Variants in RPTOR observed in about 807,000 individuals in gnomAD.
RPTOR encodes regulatory-associated protein of mTOR.
In RPTOR, 21 loss-of-function variants were observed where a neutral mutation model predicts 169.9. The observed-to-expected ratio is 0.12, with a 90% confidence interval of 0.09 to 0.18. The LOEUF (loss-of-function observed/expected upper bound fraction) is 0.18. RPTOR is among the 10% of genes least tolerant of loss of function. RPTOR has a pLI of 1.00. For missense variants in RPTOR, 1,133 were observed against 1,855.9 expected, an observed-to-expected ratio of 0.61 and a Z score of 7.16; for synonymous variants, 732 against 753.2, an observed-to-expected ratio of 0.97 and a Z score of 0.46.
chr17:80,677,711 T>C (rs889957286), intron 3 of RPTOR, among the ~76,000 whole-genome samples: 3 of 152,244 alleles, frequency 2.0e-5, no homozygotes, highest in African/African-American at 4.8e-5. Context: ...GTTGATGTCA[T>C]TTTCTTTGGA....
intron 1 of RPTOR, among the ~76,000 whole-genome samples, chr17:80,598,546 C>T (rs938834446): frequency 6.6e-6 from 1 of 152,150 alleles, no homozygotes; most frequent in African/African-American, 2.4e-5. Context: ...TGAGAGAGTC[C>T]TCAGGAACGT....
rs187822203 is a variant in RPTOR, at chr17:80,821,039, C to T, written c.891-1162C>T. Reference sequence around the variant, plus strand: ...TTCTCAATTTCTCCTTTTTCTTGCCCTATCACTGAACCTATTTTGAGGAAA... The same window carrying T: ...TTCTCAATTTCTCCTTTTTCTTGCCTTATCACTGAACCTATTTTGAGGAAA... On this transcript the variant is annotated intron_variant, in intron 7 of 33. Transcript: ENST00000306801. Among the ~76,000 whole-genome samples the T allele has an allele frequency of 2.0e-5, 3 of 152,358 alleles. No homozygotes were observed. The East Asian group carries it at 5.8e-4, about 29-fold the overall frequency.
chr17:80,568,338 T>C (rs2064867989), intron 1 of RPTOR, among the ~76,000 whole-genome samples: 1 of 152,216 alleles, frequency 6.6e-6, no homozygotes. Context: ...TTTCTCAGCT[T>C]TTGTTTGTCT....
chr17:80,862,478 C>A (rs1677583911), intron 13 of RPTOR, among the ~76,000 whole-genome samples: 1 of 151,950 alleles, frequency 6.6e-6, no homozygotes, highest in African/African-American at 2.4e-5. Context: ...ACCCCTACCC[C>A]CCCATGATGT....
intron 13 of RPTOR, among the ~76,000 whole-genome samples, chr17:80,867,879 T>G (rs2068011259): frequency 6.6e-6 from 1 of 152,116 alleles, no homozygotes; most frequent in Non-Finnish European, 1.5e-5. Context: ...CCTAAATAAA[T>G]GAAGAGATCG....
chr17:80,865,752 G>A (rs979424250), intron 13 of RPTOR, among the ~76,000 whole-genome samples: 8 of 151,966 alleles, frequency 5.3e-5, no homozygotes, highest in Admixed American at 3.3e-4. Flanking sequence ...GGAACAAGCA[G>A]AAGAGAAATC....
At chr17:80,807,297 T>G (rs2067227716) in intron 7 of RPTOR, among the ~76,000 whole-genome samples, 1 of 152,214 alleles carries the variant, frequency 6.6e-6, no homozygotes, top group Non-Finnish European at 1.5e-5. Flanking sequence ...GCCTCCTACT[T>G]GCTTCATCCT....
rs561996372 is a variant in RPTOR, at chr17:80,844,257, C to T, written c.1213-2216C>T. 1.5e-4 allele frequency among the ~76,000 whole-genome samples: 23 copies of T among 152,296 alleles called. No homozygotes were observed. Among genetic ancestry groups the T allele is most frequent in the Middle Eastern group, 3.4e-3 (1 of 294 alleles). ...TTAGGGAGCTTCACGGGCTTCACCG[C>T]GCACCTGCCAGGCAAAGGTGTGCTT... is the stretch of plus-strand genomic sequence containing the variant. On this transcript the variant is annotated intron_variant, in intron 10 of 33. Coordinates refer to ENST00000306801, the MANE Select transcript of RPTOR (RefSeq NM_020761.3). The surrounding 1 kb of genome is among the most constrained non-coding windows in gnomAD (Gnocchi z 4.7).
chr17:80,564,674 A>G (rs1164459088), intron 1 of RPTOR, among the ~76,000 whole-genome samples: 24 of 149,704 alleles, frequency 1.6e-4, no homozygotes, highest in African/African-American at 5.4e-4. Flanking sequence ...AGGTTTGTGT[A>G]CAGATTGTTT....
intron 1 of RPTOR, among the ~76,000 whole-genome samples, chr17:80,560,613 G>A (rs1186924219): frequency 6.6e-6 from 1 of 152,128 alleles, no homozygotes; most frequent in East Asian, 1.9e-4. Context: ...GAACGGGGAC[G>A]TGCAGGAGCT....
At chr17:80,781,192 G>A (rs1209586261) in intron 6 of RPTOR, among the ~76,000 whole-genome samples, 1 of 152,218 alleles carries the variant, frequency 6.6e-6, no homozygotes, top group Non-Finnish European at 1.5e-5. Context: ...GGTGGCCTGA[G>A]CTAGGAGGAA....
chr17:80,584,468 A>G (rs917475161), intron 1 of RPTOR, among the ~76,000 whole-genome samples: 4 of 152,276 alleles, frequency 2.6e-5, no homozygotes, highest in South Asian at 2.1e-4. Flanking sequence ...CTGACCACCG[A>G]GAACAAAGAG....
At chr17:80,640,676 G>A (rs951887657) in intron 2 of RPTOR, among the ~76,000 whole-genome samples, 7 of 152,338 alleles carry the variant, frequency 4.6e-5, no homozygotes, top group African/African-American at 1.4e-4. Context: ...TCTGCAGGAT[G>A]TTGTGAGGGA....
At chr17:80,747,908 A>G (rs12947909) in intron 5 of RPTOR, among the ~76,000 whole-genome samples, 26,866 of 151,918 alleles carry the variant, frequency 0.18, 2,809 homozygotes, top group East Asian at 0.24. Context: ...AATGGTTGGC[A>G]GCGATGGAGG....
intron 20 of RPTOR, among the ~76,000 whole-genome samples, chr17:80,906,356 G>C (rs2068542752): frequency 7.2e-6 from 1 of 137,934 alleles, no homozygotes; most frequent in South Asian, 2.4e-4. Context: ...AGACTTGCTT[G>C]TGGATCTACA....
At chr17:80,604,438 A>G (rs1472311958) in intron 1 of RPTOR, among the ~76,000 whole-genome samples, 1 of 152,226 alleles carries the variant, frequency 6.6e-6, no homozygotes, top group African/African-American at 2.4e-5. Flanking sequence ...TCATAAATGT[A>G]GATAGTATCT....
At chr17:80,559,732 T>C (rs2084456079) in intron 1 of RPTOR, among the ~76,000 whole-genome samples, 1 of 152,120 alleles carries the variant, frequency 6.6e-6, no homozygotes. Context: ...CTGCTACCAC[T>C]CCCTACCCAG....
At chr17:80,856,254 CATT>C (rs2067850868) in intron 12 of RPTOR, among the ~76,000 whole-genome samples, 1 of 152,300 alleles carries the variant, frequency 6.6e-6, no homozygotes, top group Admixed American at 6.5e-5. Context: ...ATTCAAGAAT[CATT>C]GTTCGTTTTT....
At chr17:80,887,180 C>T (rs1181530965) in intron 17 of RPTOR, among the ~76,000 whole-genome samples, 1 of 151,366 alleles carries the variant, frequency 6.6e-6, no homozygotes, top group Non-Finnish European at 1.5e-5. Context: ...GCTGCACTGG[C>T]GCGCAGACTC....
Sources: allele counts gnomAD v4.1 joint callset (sites outside exome capture counted in the v4.1 genomes callset), GRCh38; gene constraint gnomAD v4.1.1; non-coding constraint Gnocchi (gnomAD v3.1); transcripts MANE v1.5; gene names NCBI Gene and HGNC (gene_info 2026-07-23, HGNC 2026-07-21).